Variants in FNDC7 observed in about 807,000 individuals in gnomAD.
FNDC7 encodes the protein fibronectin type III domain-containing protein 7.
FNDC7 carries 66 observed loss-of-function variants against 74.2 expected under a neutral mutation model. That is an observed-to-expected ratio of 0.89 (90% CI 0.73 to 1.09). FNDC7 has a LOEUF of 1.09. FNDC7 is among the 50% of genes least tolerant of loss of function. FNDC7 has a pLI of 0.00. For missense variants in FNDC7, 829 were observed against 893.4 expected, an observed-to-expected ratio of 0.93 and a Z score of 0.92; for synonymous variants, 307 against 330.2, an observed-to-expected ratio of 0.93 and a Z score of 0.76.
chr1:108,728,725 C>A lies in FNDC7; in HGVS notation c.1463C>A (p.Thr488Lys). Residue 488 changes from threonine to lysine, a missense_variant, in exon 8 of 13, where the codon ACG becomes AAG. Thr to Lys is a moderately conservative substitution (Grantham distance 78). Transcript: ENST00000370017. ...TCCACTAATGATGATGCTACTTACA[C>A]GGTGACTGCCCAAGGGGAGAAAGGA... ...WRSTNDDATY[T>K]VTAQGEKGLY... 1 of 1,614,280 alleles carries A rather than the reference C, an allele frequency of 6.2e-7. No homozygotes were observed. Among genetic ancestry groups the A allele is most frequent in the Non-Finnish European group, 8.5e-7 (1 of 1,180,054 alleles).
In FNDC7 at chr1:108,726,097, TGGG is replaced by T. The variant is rs985225251; in HGVS notation, c.1111+94_1111+96del. 6.4e-6 allele frequency: 9 copies of T among 1,416,610 alleles called. No homozygotes were observed. In the African/African-American group the frequency reaches 1.1e-4, roughly 18 times the overall value. The allele number at this position is 1,416,610 out of a possible 1,614,324, so 87.8% of individuals were successfully genotyped here. ...CTATTCCACTTATTGACTTACCACC[TGGG>T]AGTCATTCTAGAGCCAAGAACAGAA... is the stretch of plus-strand genomic sequence containing the variant. On this transcript the variant is annotated intron_variant, in intron 6 of 12. Transcript: ENST00000370017.
chr1:108,719,321 CT>C (rs1661042714), intron 4 of FNDC7, among the ~76,000 whole-genome samples: 1 of 152,202 alleles, frequency 6.6e-6, no homozygotes, highest in Non-Finnish European at 1.5e-5. Flanking sequence ...CACATTCGAC[CT>C]CACACAAAAG....
chr1:108,714,675 G>A (rs1013431641), intron 2 of FNDC7, among the ~76,000 whole-genome samples: 1 of 134,776 alleles, frequency 7.4e-6, no homozygotes, highest in Non-Finnish European at 1.5e-5. Context: ...TGCAATCTCG[G>A]TTCACTGCAA....
chr1:108,728,608 A>C (rs1327259124), intron 7 of FNDC7, 24 bp from the exon 8 acceptor site: 1 of 1,612,834 alleles, frequency 6.2e-7, no homozygotes, highest in South Asian at 1.1e-5. Flanking sequence ...ATGCTGGTTC[A>C]ATTAATACTC....
chr1:108,742,038 T>C lies in FNDC7; in HGVS notation c.*151T>C, dbSNP rs973096914. On this transcript the variant is annotated 3_prime_UTR_variant, in exon 13 of 13. Coordinates refer to ENST00000370017, the MANE Select transcript of FNDC7 (RefSeq NM_001144937.3). Reference sequence around the variant, plus strand: ...GCCTTTAGAAGAACAACTCTGACTCTGCTTCCTGAGGGCAAGGTCAGGTGT... The same window carrying C: ...GCCTTTAGAAGAACAACTCTGACTCCGCTTCCTGAGGGCAAGGTCAGGTGT... 2.5e-5 allele frequency: 14 copies of C among 562,534 alleles called. No individual in the cohort carries two copies. Among genetic ancestry groups the C allele is most frequent in the Non-Finnish European group, 4.1e-5 (13 of 317,540 alleles). The allele number at this position is 562,534 out of a possible 1,614,324, so 34.8% of individuals were successfully genotyped here.
intron 2 of FNDC7, among the ~76,000 whole-genome samples, chr1:108,716,936 T>C (rs535074424): frequency 2.0e-5 from 3 of 152,310 alleles, no homozygotes; most frequent in Non-Finnish European, 4.4e-5. Flanking sequence ...ATCCAAGACA[T>C]TTTTGCATCT....
At chr1:108,738,804 T>C (rs1661575481) in intron 11 of FNDC7, among the ~76,000 whole-genome samples, 2 of 152,162 alleles carry the variant, frequency 1.3e-5, no homozygotes, top group African/African-American at 4.8e-5. Flanking sequence ...AGGTCTGAAA[T>C]AAGCACAATC....
chr1:108,728,080 T>G lies in FNDC7; in HGVS notation c.1369+15T>G. ...CATAACCACAGGTAAGGCACAGCTA[T>G]CATTCCACTCACTGGTGTCTGAATG... On this transcript the variant is annotated intron_variant, in intron 7 of 12. Coordinates refer to ENST00000370017, the MANE Select transcript of FNDC7 (RefSeq NM_001144937.3). 1 of 1,607,332 alleles carries G rather than the reference T, an allele frequency of 6.2e-7. No individual in the cohort carries two copies. Among genetic ancestry groups the G allele is most frequent in the East Asian group, 2.2e-5 (1 of 44,842 alleles).
chr1:108,728,582 G>C (rs1193862342), intron 7 of FNDC7, 50 bp from the exon 8 acceptor site: 4 of 1,604,862 alleles, frequency 2.5e-6, no homozygotes, highest in African/African-American at 1.3e-5. Flanking sequence ...AATGGCACAT[G>C]TGATATTTTT....
At chr1:108,722,930 C>T (rs533936064) in intron 5 of FNDC7, among the ~76,000 whole-genome samples, 17 of 152,134 alleles carry the variant, frequency 1.1e-4, no homozygotes, top group African/African-American at 2.9e-4. Flanking sequence ...CAGATAACTG[C>T]GTCTTCTTTG....
At chr1:108,730,038 G>T (rs1157081250) in intron 8 of FNDC7, among the ~76,000 whole-genome samples, 2 of 152,224 alleles carry the variant, frequency 1.3e-5, no homozygotes, top group Non-Finnish European at 2.9e-5. Flanking sequence ...GAAATGTTCT[G>T]TTGGGAGAAG....
chr1:108,716,005 G>A (rs1660965298), intron 2 of FNDC7, among the ~76,000 whole-genome samples: 1 of 152,132 alleles, frequency 6.6e-6, no homozygotes. Flanking sequence ...GCCTCTCCTA[G>A]ATCAATTCCA....
chr1:108,726,384 C>T (rs1324514043), intron 6 of FNDC7, among the ~76,000 whole-genome samples: 2 of 152,204 alleles, frequency 1.3e-5, no homozygotes, highest in Admixed American at 6.5e-5. Context: ...ATGGCCAAGA[C>T]GCTACATGGT....
chr1:108,714,414 G>A (rs567720090), intron 2 of FNDC7, among the ~76,000 whole-genome samples: 21 of 152,036 alleles, frequency 1.4e-4, no homozygotes, highest in South Asian at 2.1e-4. Context: ...CAAGGCTCAC[G>A]CCTATAATCT....
intron 2 of FNDC7, among the ~76,000 whole-genome samples, chr1:108,716,008 CA>C (rs1660965495): frequency 6.6e-6 from 1 of 152,166 alleles, no homozygotes; most frequent in Admixed American, 6.5e-5. Flanking sequence ...TCTCCTAGAT[CA>C]ATTCCATGAG....
intron 9 of FNDC7, among the ~76,000 whole-genome samples, chr1:108,732,501 T>C (rs1343403609): frequency 6.6e-6 from 1 of 152,214 alleles, no homozygotes; most frequent in Non-Finnish European, 1.5e-5. Flanking sequence ...CAGTTAATTA[T>C]ATTTAAGTTT....
intron 11 of FNDC7, among the ~76,000 whole-genome samples, chr1:108,740,637 T>A (rs1661623636): frequency 1.3e-5 from 2 of 152,172 alleles, no homozygotes; most frequent in Non-Finnish European, 2.9e-5. Context: ...ATAAACAGAC[T>A]TTTTAAGAGA....
intron 5 of FNDC7, 55 bp downstream of exon 5, chr1:108,722,647 G>T: frequency 6.5e-7 from 1 of 1,527,046 alleles, no homozygotes; most frequent in South Asian, 1.3e-5. Context: ...CTGCTGTAAG[G>T]GAGACGTTCA....
intron 4 of FNDC7, among the ~76,000 whole-genome samples, chr1:108,720,051 A>G (rs1424947458): frequency 2.0e-5 from 3 of 152,150 alleles, no homozygotes; most frequent in Non-Finnish European, 4.4e-5. Flanking sequence ...TAGTATAATC[A>G]TAGCCCTGCG....
Sources: allele counts gnomAD v4.1 joint callset (sites outside exome capture counted in the v4.1 genomes callset), GRCh38; gene constraint gnomAD v4.1.1; transcripts MANE v1.5; gene names NCBI Gene and HGNC (gene_info 2026-07-23, HGNC 2026-07-21).